Variants in KHDRBS2 observed in about 807,000 individuals in gnomAD.
The protein encoded by KHDRBS2 is KH domain-containing, RNA-binding, signal transduction-associated protein 2.
KHDRBS2 carries 26 observed loss-of-function variants against 44.3 expected under a neutral mutation model. The observed-to-expected ratio is 0.59, with a 90% confidence interval of 0.43 to 0.81. KHDRBS2 has a LOEUF of 0.81. Among genes scored for constraint, KHDRBS2 ranks in the 40% least tolerant of loss-of-function variants. KHDRBS2 has a pLI of 0.00. For synonymous variants in KHDRBS2, 194 were observed against 151.1 expected, an observed-to-expected ratio of 1.28 and a Z score of -2.08; for missense variants, 476 against 433.1, an observed-to-expected ratio of 1.10 and a Z score of -0.88.
chr6:62,126,545 G>T (rs2150086591), intron 2 of KHDRBS2, among the ~76,000 whole-genome samples: 1 of 152,256 alleles, frequency 6.6e-6, no homozygotes, highest in South Asian at 2.1e-4. Context: ...TGCTAGGCTG[G>T]CTTCAGAGAC....
chr6:61,670,480 AC>A, the KHDRBS2 span, among the ~76,000 whole-genome samples: 9 of 151,426 alleles, frequency 5.9e-5, no homozygotes, highest in African/African-American at 2.2e-4. Context: ...ATACTCATAA[AC>A]CCCTAACAAG....
At chr6:62,195,999 G>A (rs971176037) in intron 1 of KHDRBS2, among the ~76,000 whole-genome samples, 3 of 152,180 alleles carry the variant, frequency 2.0e-5, no homozygotes, top group African/African-American at 7.2e-5. Flanking sequence ...AACAGAATAA[G>A]CATCTGTTAT....
At chr6:62,012,710 C>T (rs1305170808) in intron 3 of KHDRBS2, among the ~76,000 whole-genome samples, 2 of 152,118 alleles carry the variant, frequency 1.3e-5, no homozygotes, top group Non-Finnish European at 2.9e-5. Flanking sequence ...TGTGATTCAG[C>T]TTAGTACCTC....
At chr6:61,832,074 T>C (rs1260988007) in intron 6 of KHDRBS2, among the ~76,000 whole-genome samples, 1 of 152,048 alleles carries the variant, frequency 6.6e-6, no homozygotes, top group Non-Finnish European at 1.5e-5. Context: ...GACTCCCATC[T>C]CTACAATAAA....
At chr6:61,672,673 G>A in the KHDRBS2 span, among the ~76,000 whole-genome samples, 6 of 151,940 alleles carry the variant, frequency 3.9e-5, no homozygotes, top group African/African-American at 7.3e-5. Context: ...CATGTCCTTT[G>A]CCCACTTTTT....
At chr6:62,227,854 T>C (rs1463326236) in intron 1 of KHDRBS2, among the ~76,000 whole-genome samples, 1 of 152,234 alleles carries the variant, frequency 6.6e-6, no homozygotes, top group Non-Finnish European at 1.5e-5. Flanking sequence ...TGAACCAGCG[T>C]TGACCCTAGG....
chr6:62,258,978 G>C (rs1372870448), intron 1 of KHDRBS2, among the ~76,000 whole-genome samples: 1 of 152,040 alleles, frequency 6.6e-6, no homozygotes, highest in Admixed American at 6.6e-5. Context: ...ATTAGGAAAA[G>C]GGAAATTGTT....
At chr6:61,648,165 G>T in the KHDRBS2 span, among the ~76,000 whole-genome samples, 1 of 151,840 alleles carries the variant, frequency 6.6e-6, no homozygotes, top group African/African-American at 2.4e-5. Context: ...AATATTATAA[G>T]ATAAAATTTA....
intron 2 of KHDRBS2, among the ~76,000 whole-genome samples, chr6:62,061,981 C>T (rs1237170411): frequency 1.3e-5 from 2 of 151,878 alleles, no homozygotes; most frequent in African/African-American, 2.4e-5. Context: ...CCTGAGGCTC[C>T]TGCATTCTTC....
At chr6:61,935,937 G>A (rs1177898863) in intron 4 of KHDRBS2, among the ~76,000 whole-genome samples, 1 of 151,976 alleles carries the variant, frequency 6.6e-6, no homozygotes, top group African/African-American at 2.4e-5. Flanking sequence ...GAAATTTCTA[G>A]TTCTTCAATA....
intron 6 of KHDRBS2, among the ~76,000 whole-genome samples, chr6:61,809,993 A>G (rs946463112): frequency 2.6e-5 from 4 of 152,128 alleles, no homozygotes; most frequent in African/African-American, 9.7e-5. Context: ...AGGAGCAAGG[A>G]TTGAGAAACT....
At chr6:61,569,527 A>C in the KHDRBS2 span, among the ~76,000 whole-genome samples, 2 of 152,208 alleles carry the variant, frequency 1.3e-5, no homozygotes, top group Non-Finnish European at 2.9e-5. Flanking sequence ...GATCCCAGAA[A>C]AGAGAAATCA....
rs1473537223 is a variant in KHDRBS2, at chr6:61,848,565, A to G, written c.810+46070T>C. Among the ~76,000 whole-genome samples, 61 of 49,372 alleles carry G rather than the reference A, an allele frequency of 1.2e-3. 3 individuals are homozygous for G. Among genetic ancestry groups the G allele is most frequent in the African/African-American group, 2.2e-3 (23 of 10,392 alleles). 32.4% of individuals were successfully genotyped at this position (49,372 alleles called of 152,430 possible). A position where few individuals can be genotyped will look rare whatever the true frequency, so the allele number is the denominator to read the frequency against. ...TGTATATATATACATATATATATGTATATATATATACATATATATATATAT... is the reference window on the plus strand; with the variant it reads ...TGTATATATATACATATATATATGTGTATATATATACATATATATATATAT... On this transcript the variant is annotated intron_variant, in intron 6 of 8. Coordinates refer to ENST00000281156, the MANE Select transcript of KHDRBS2 (RefSeq NM_152688.4).
At chr6:61,602,112 C>T in the KHDRBS2 span, among the ~76,000 whole-genome samples, 460 of 152,260 alleles carry the variant, frequency 3.0e-3, 4 homozygotes, top group African/African-American at 0.011. Context: ...TTTTATTACC[C>T]AGTCTGCTCC....
intron 2 of KHDRBS2, among the ~76,000 whole-genome samples, chr6:62,102,684 C>G (rs1426659126): frequency 6.6e-6 from 1 of 152,116 alleles, no homozygotes. Flanking sequence ...CTGCCAGGCA[C>G]CAGCAGAGGG....
At chr6:62,058,733 TA>T (rs1790897807) in intron 2 of KHDRBS2, among the ~76,000 whole-genome samples, 1 of 151,840 alleles carries the variant, frequency 6.6e-6, no homozygotes. Flanking sequence ...GCTATGCCTG[TA>T]AAATTAATTT....
At chr6:61,856,378 T>C (rs1796152587) in intron 6 of KHDRBS2, among the ~76,000 whole-genome samples, 1 of 152,144 alleles carries the variant, frequency 6.6e-6, no homozygotes, top group South Asian at 2.1e-4. Context: ...CCTTTATTTT[T>C]ACTTCTATGC....
At chr6:61,884,456 A>G (rs1163000929) in intron 6 of KHDRBS2, among the ~76,000 whole-genome samples, 1 of 152,158 alleles carries the variant, frequency 6.6e-6, no homozygotes, top group Non-Finnish European at 1.5e-5. Flanking sequence ...TAATTTAAAA[A>G]TAAATTAAAC....
intron 1 of KHDRBS2, among the ~76,000 whole-genome samples, chr6:62,213,902 A>AAAAAAAAAAAAT (rs1829543710): frequency 6.9e-6 from 1 of 145,676 alleles, no homozygotes; most frequent in Non-Finnish European, 1.5e-5. Flanking sequence ...AAAAAAAAAA[A>AAAAAAAAAAAAT]AGAATGAAGT....
Sources: gnomAD v4.1 joint callset for allele counts (sites outside exome capture counted in the v4.1 genomes callset) on GRCh38, gnomAD v4.1.1 for gene constraint, MANE v1.5 for transcripts, NCBI Gene and HGNC (gene_info 2026-07-23, HGNC 2026-07-21) for gene names.